Variants in C12orf56 observed in about 807,000 individuals in gnomAD.
The protein encoded by C12orf56 is chromosome 12 open reading frame 56.
Under a neutral mutation model 69.9 loss-of-function variants are expected in C12orf56, and 71 were observed. The observed-to-expected ratio is 1.02, with a 90% CI of 0.84 to 1.24. C12orf56 has a LOEUF of 1.24. C12orf56 is among the 50% of genes most tolerant of loss of function. The pLI is 0.00. For missense variants in C12orf56, 732 were observed against 738.5 expected, an observed-to-expected ratio of 0.99 and a Z score of 0.10; for synonymous variants, 276 against 274.1, an observed-to-expected ratio of 1.01 and a Z score of -0.07.
chr12:64,334,795 A>T (rs1164206155), intron 2 of C12orf56, among the ~76,000 whole-genome samples: 1 of 152,176 alleles, frequency 6.6e-6, no homozygotes, highest in Non-Finnish European at 1.5e-5. Flanking sequence ...GTTTCAATCT[A>T]GTTGGGGATT....
At chr12:64,328,676 T>G (rs2038876493) in intron 3 of C12orf56, among the ~76,000 whole-genome samples, 1 of 45,444 alleles carries the variant, frequency 2.2e-5, no homozygotes, top group African/African-American at 8.6e-5. Flanking sequence ...CAAGACTCCA[T>G]CTCAAAAAAA....
intron 1 of C12orf56, among the ~76,000 whole-genome samples, chr12:64,382,342 T>A (rs893640654): frequency 1.3e-5 from 2 of 151,766 alleles, no homozygotes; most frequent in African/African-American, 4.8e-5. Flanking sequence ...AAAAAACAAT[T>A]ATTTTCTTTC....
chr12:64,276,849 C>G (rs2038056722), intron 9 of C12orf56, among the ~76,000 whole-genome samples: 1 of 151,716 alleles, frequency 6.6e-6, no homozygotes, highest in South Asian at 2.1e-4. Context: ...CAAAAATTAG[C>G]CAGGCGTGGT....
chr12:64,303,815 A>G (rs1266918074), intron 5 of C12orf56, 36 bp from the exon 6 acceptor site: 3 of 1,544,532 alleles, frequency 1.9e-6, no homozygotes, highest in African/African-American at 1.4e-5. Context: ...ACTTAAAAAA[A>G]TGGTAAGACA....
chr12:64,341,720 C>T (rs1282778634), intron 2 of C12orf56, among the ~76,000 whole-genome samples: 1 of 152,124 alleles, frequency 6.6e-6, no homozygotes, highest in African/African-American at 2.4e-5. Flanking sequence ...GAGGACAAAC[C>T]TCTGCCCTTT....
At chr12:64,378,383 G>A (rs1017608704) in intron 1 of C12orf56, among the ~76,000 whole-genome samples, 2 of 151,970 alleles carry the variant, frequency 1.3e-5, no homozygotes, top group Admixed American at 1.3e-4. Context: ...GTGCTGAGAT[G>A]GATGAGATGA....
chr12:64,270,769 T>G, intron 11 of C12orf56, 55 bp from the exon 12 acceptor site: 1 of 1,447,996 alleles, frequency 6.9e-7, no homozygotes, highest in African/African-American at 1.4e-5. Context: ...CAAAAGCAAC[T>G]ATTTCAGCTG....
At chr12:64,347,058 C>T (rs2039153457) in intron 2 of C12orf56, among the ~76,000 whole-genome samples, 2 of 151,880 alleles carry the variant, frequency 1.3e-5, no homozygotes, top group Non-Finnish European at 2.9e-5. Flanking sequence ...TCACTGCAGC[C>T]TCCACCCCCT....
intron 2 of C12orf56, among the ~76,000 whole-genome samples, chr12:64,339,938 T>C (rs1217652170): frequency 6.6e-6 from 1 of 152,054 alleles, no homozygotes; most frequent in African/African-American, 2.4e-5. Flanking sequence ...ATATGATAAC[T>C]TCCAGTTGTA....
intron 1 of C12orf56, among the ~76,000 whole-genome samples, chr12:64,382,993 G>A (rs1367572083): frequency 3.3e-5 from 5 of 151,890 alleles, no homozygotes; most frequent in Non-Finnish European, 7.4e-5. Context: ...CTAATTTTGG[G>A]AGGAGCCTAG....
chr12:64,306,060 A>T (rs1214660481), intron 5 of C12orf56, among the ~76,000 whole-genome samples: 1 of 151,990 alleles, frequency 6.6e-6, no homozygotes, highest in Admixed American at 6.6e-5. Context: ...TGCCAAACTA[A>T]TTTTTTTTAA....
At position 64,266,577 on chromosome 12, in the gene C12orf56, G is replaced by C. The variant is rs1355479675; in HGVS notation, c.*606C>G. 1 of 349,866 alleles carries C rather than the reference G, an allele frequency of 2.9e-6. No homozygotes were observed. The allele number at this position is 349,866 out of a possible 1,614,324, so 21.7% of individuals were successfully genotyped here. ...CCAGGCCCTGCTGGTGGTGGACATA[G>C]TGGACTCCAAGAACCTAGTCGAAAT... On this transcript the variant is annotated 3_prime_UTR_variant, in exon 13 of 13. Coordinates refer to ENST00000543942, the MANE Select transcript of C12orf56 (RefSeq NM_001170633.2).
intron 2 of C12orf56, among the ~76,000 whole-genome samples, chr12:64,334,546 T>G (rs943948811): frequency 1.6e-4 from 25 of 152,220 alleles, no homozygotes; most frequent in African/African-American, 5.8e-4. Context: ...AAAAATGTCA[T>G]GTAAATAGTT....
At chr12:64,387,034 C>A in intron 1 of C12orf56, among the ~76,000 whole-genome samples, 1 of 126,128 alleles carries the variant, frequency 7.9e-6, no homozygotes, top group African/African-American at 3.0e-5. Flanking sequence ...GCCAAGATTG[C>A]ACCACTGCAC....
chr12:64,390,290 C>G, intron 1 of C12orf56, 24 bp downstream of exon 1: 1 of 1,586,290 alleles, frequency 6.3e-7, no homozygotes. Flanking sequence ...CTCCCGAGCC[C>G]GCCTGCCCAC....
intron 6 of C12orf56, among the ~76,000 whole-genome samples, chr12:64,301,954 T>C (rs7975822): frequency 0.7 from 106,126 of 151,534 alleles, 38,264 homozygotes; most frequent in Non-Finnish European, 0.79. Context: ...GCCTTAAATG[T>C]TGAAGCCAAA....
chr12:64,390,519 C>T lies in C12orf56; in HGVS notation c.47G>A (p.Arg16His), dbSNP rs374883655. The change falls in exon 1 of 13, where the codon CGC (arginine) becomes CAC (histidine). Residue 16 changes from arginine (R) to histidine (H), a missense_variant. Arg to His is a conservative substitution (Grantham distance 29). Coordinates refer to ENST00000543942, the MANE Select transcript of C12orf56 (RefSeq NM_001170633.2). ...ATGCCGCCGCAGGAACACATCCAGG[C>T]GGCTGTTCCTGCGCGCGGGGAAGCC... is the stretch of plus-strand genomic sequence containing the variant. The part of the protein sequence containing the change: ...PSGFPARRNS[R>H]LDVFLRRHLP... 1.1e-5 allele frequency: 17 copies of T among 1,598,304 alleles called. No individual in the cohort carries two copies. In the African/African-American group the frequency reaches 1.9e-4, roughly 18 times the overall value.
At chr12:64,355,077 CAAAAAAAAAAAAAA>C (rs59799966) in intron 1 of C12orf56, among the ~76,000 whole-genome samples, 3 of 87,672 alleles carry the variant, frequency 3.4e-5, no homozygotes, top group African/African-American at 4.7e-5. Context: ...GACTCCGTCT[CAAAAAAAAAAAAAA>C]AAAAAAAAAA....
intron 6 of C12orf56, chr12:64,293,303 AC>A (rs1485672110): frequency 6.6e-6 from 1 of 152,120 alleles, no homozygotes; most frequent in Non-Finnish European, 1.5e-5. Context: ...TGCAGAAATC[AC>A]CCGTCTTCTG....
Sources: gnomAD v4.1 joint callset for allele counts (sites outside exome capture counted in the v4.1 genomes callset) on GRCh38, gnomAD v4.1.1 for gene constraint, MANE v1.5 for transcripts, NCBI Gene and HGNC (gene_info 2026-07-23, HGNC 2026-07-21) for gene names.